Variants in WNK1 observed in about 807,000 individuals in gnomAD.
WNK1 encodes serine/threonine-protein kinase WNK1.
WNK1 carries 38 observed loss-of-function variants against 222.8 expected under a neutral mutation model. The ratio of observed to expected loss-of-function variants is 0.17; its 90% confidence interval spans 0.13 to 0.22. The LOEUF is 0.22. Among genes scored for constraint, WNK1 ranks in the 10% least tolerant of loss-of-function variants. The probability of loss-of-function intolerance (pLI) is 1.00; values close to 1 mark genes in which losing one functional copy is unlikely to be tolerated. For missense variants in WNK1, 2,348 were observed against 2,918.4 expected, an observed-to-expected ratio of 0.80 and a Z score of 4.50; for synonymous variants, 1,090 against 1,092.9, an observed-to-expected ratio of 1.00 and a Z score of 0.05.
At chr12:877,712 G>T (rs1952757804) in intron 9 of WNK1, among the ~76,000 whole-genome samples, 1 of 152,152 alleles carries the variant, frequency 6.6e-6, no homozygotes, top group Admixed American at 6.5e-5. Flanking sequence ...TCCAAATCCA[G>T]TGCTTTCCTC....
chr12:886,124 A>AG (rs746933570), intron 19 of WNK1, 40 bp downstream of exon 19: 8 of 1,379,056 alleles, frequency 5.8e-6, no homozygotes, highest in African/African-American at 2.8e-5. Flanking sequence ...AAATATGATC[A>AG]GTTTTTTTTC....
chr12:906,361 C>A, intron 26 of WNK1: 1 of 985,322 alleles, frequency 1.0e-6, no homozygotes, highest in Non-Finnish European at 1.2e-6. Context: ...TAGACTCCCT[C>A]CTCTCTCATC....
At position 880,835 on chromosome 12, in the gene WNK1, G is replaced by C. The variant is rs1185591309; in HGVS notation, c.2947G>C (p.Glu983Gln). The C allele has an allele frequency of 4.3e-6, 7 of 1,614,090 alleles. No homozygotes were observed. In the Admixed American group the frequency reaches 1.0e-4, roughly 23 times the overall value. The change falls in exon 12 of 28, where the codon GAA becomes CAA. Residue 983 changes from glutamate (E) to glutamine (Q), a missense_variant. Coordinates refer to ENST00000315939, the MANE Select transcript of WNK1 (RefSeq NM_018979.4). ...AGTCCTATCCCCTCCCATGCCGACA[G>C]AAGTACTGGCTACACCTGGGTACTT... The part of the protein sequence containing the change: ...STVLSPPMPT[E>Q]VLATPGYFPT...
chr12:836,994 A>G (rs1399233051), intron 4 of WNK1, among the ~76,000 whole-genome samples: 2 of 152,208 alleles, frequency 1.3e-5, no homozygotes, highest in East Asian at 1.9e-4. Context: ...TCTAAAGTGT[A>G]TAATTCACTG....
At chr12:829,789 T>G (rs1948654777) in intron 3 of WNK1, 2 of 583,440 alleles carry the variant, frequency 3.4e-6, no homozygotes, top group Admixed American at 3.0e-5. Flanking sequence ...TTATTCCAGT[T>G]TCATATAAAG....
chr12:864,389 G>T (rs1951464182), intron 8 of WNK1, among the ~76,000 whole-genome samples: 1 of 152,170 alleles, frequency 6.6e-6, no homozygotes, highest in African/African-American at 2.4e-5. Context: ...AGGATTACAG[G>T]TGTGAGCCAC....
intron 1 of WNK1, among the ~76,000 whole-genome samples, chr12:771,672 T>G (rs1473898397): frequency 1.3e-5 from 2 of 152,110 alleles, no homozygotes; most frequent in African/African-American, 2.4e-5. Flanking sequence ...TGACCTCAGG[T>G]GATCTGCCCG....
At chr12:902,133 T>TAA (rs56144609) in intron 26 of WNK1, among the ~76,000 whole-genome samples, 2 of 136,318 alleles carry the variant, frequency 1.5e-5, no homozygotes, top group Non-Finnish European at 3.2e-5. Flanking sequence ...ACCCCATCTC[T>TAA]AAAAAAAAAA....
At chr12:785,399 C>CA (rs1944178519) in intron 1 of WNK1, among the ~76,000 whole-genome samples, 1 of 30,916 alleles carries the variant, frequency 3.2e-5, no homozygotes, top group African/African-American at 1.5e-4. Flanking sequence ...ATCATTTTCT[C>CA]CCCCCCCCCC....
chr12:905,395 A>C (rs1004668467), intron 26 of WNK1, among the ~76,000 whole-genome samples: 1 of 152,030 alleles, frequency 6.6e-6, no homozygotes, highest in East Asian at 1.9e-4. Context: ...GTATTAGGTA[A>C]TGTAGGGTAA....
intron 24 of WNK1, 118 bp downstream of exon 24, chr12:896,850 G>T: frequency 8.5e-7 from 1 of 1,172,558 alleles, no homozygotes; most frequent in Non-Finnish European, 1.2e-6. Context: ...CTTTTAAAGA[G>T]ACAGTGCCAC....
chr12:884,578 G>A lies in WNK1; in HGVS notation c.3845-71G>A. 2 of 1,477,698 alleles carry A rather than the reference G, an allele frequency of 1.4e-6. No individual in the cohort carries two copies. Among genetic ancestry groups the A allele is most frequent in the East Asian group, 4.5e-5 (2 of 44,176 alleles). 91.5% of individuals were successfully genotyped at this position (1,477,698 alleles called of 1,614,324 possible). ...CAGATATTTATAGGAGCTGACTTAG[G>A]CTAGCAGACAATCTTTTGAATCCAT... On this transcript the variant is annotated intron_variant, in intron 18 of 27. Coordinates refer to ENST00000315939, the MANE Select transcript of WNK1 (RefSeq NM_018979.4). The surrounding 1 kb of genome is among the most constrained non-coding windows in gnomAD (Gnocchi z 5.6).
chr12:815,443 A>T lies in WNK1; in HGVS notation c.932+1629A>T, dbSNP rs72648614. Among the ~76,000 whole-genome samples, 562 of 152,338 alleles carry T rather than the reference A, an allele frequency of 3.7e-3. 2 individuals carry two copies. The highest frequency in any genetic ancestry group is 0.01 in the Middle Eastern group (3 of 294). ...CTTACGGTTAGCATGTTGAAACATG[A>T]ACAGATCATTTCTGTCCTGCAAATT... On this transcript the variant is annotated intron_variant, in intron 2 of 27. Transcript: ENST00000315939.
intron 4 of WNK1, 35 bp from the exon 5 acceptor site, chr12:857,126 G>A (rs759092333): frequency 1.2e-6 from 2 of 1,600,406 alleles, no homozygotes; most frequent in Non-Finnish European, 1.7e-6. Flanking sequence ...CAAAGGCCCT[G>A]CTTTTATTAA....
chr12:815,005 G>T (rs1435843740), intron 2 of WNK1, among the ~76,000 whole-genome samples: 1 of 152,138 alleles, frequency 6.6e-6, no homozygotes, highest in Non-Finnish European at 1.5e-5. Context: ...TCACAGTAGG[G>T]TTCATGGCCC....
chr12:895,960 C>G, intron 23 of WNK1, 111 bp from the exon 24 acceptor site: 8 of 1,418,424 alleles, frequency 5.6e-6, no homozygotes, highest in Non-Finnish European at 7.8e-6. Flanking sequence ...GACAATCAGC[C>G]TACTCTTTGA....
chr12:884,509 C>T lies in WNK1; in HGVS notation c.3845-140C>T. On this transcript the variant is annotated intron_variant, in intron 18 of 27. Transcript: ENST00000315939. This position sits in a 1 kb window ranked among gnomAD's most constrained non-coding sequence, Gnocchi z 5.6. ...TATGTGTTTATTTCTGCACTTAGTACTGTTGTCTATGTTTTAAGATTACTC... is the reference window on the plus strand; with the variant it reads ...TATGTGTTTATTTCTGCACTTAGTATTGTTGTCTATGTTTTAAGATTACTC... The T allele has an allele frequency of 1.0e-6, 1 of 967,770 alleles. No homozygotes were observed. Among genetic ancestry groups the T allele is most frequent in the Admixed American group, 2.1e-5 (1 of 47,280 alleles). 59.9% of individuals were successfully genotyped at this position (967,770 alleles called of 1,614,324 possible). A position where few individuals can be genotyped will look rare whatever the true frequency, so the allele number is the denominator to read the frequency against.
intron 25 of WNK1, 101 bp downstream of exon 25, chr12:897,782 CAA>C: frequency 7.6e-7 from 1 of 1,311,044 alleles, no homozygotes; most frequent in South Asian, 1.3e-5. Flanking sequence ...TGTTAAATTT[CAA>C]AGGAATTTGG....
chr12:883,652 A>T lies in WNK1; in HGVS notation c.3663+84A>T. The T allele has an allele frequency of 2.5e-6, 4 of 1,600,652 alleles. No homozygotes were observed. The South Asian group carries it at 4.4e-5, about 18-fold the overall frequency. ...AATTTGCTATGCAAAATGTCCAGTG[A>T]TATCACCTGACACCCATGACCGACA... is the stretch of plus-strand genomic sequence containing the variant. On this transcript the variant is annotated intron_variant, in intron 16 of 27. Transcript: ENST00000315939.
Sources: gnomAD v4.1 joint callset for allele counts (sites outside exome capture counted in the v4.1 genomes callset) on GRCh38, gnomAD v4.1.1 for gene constraint, Gnocchi (gnomAD v3.1) non-coding constraint, MANE v1.5 for transcripts, NCBI Gene and HGNC (gene_info 2026-07-23, HGNC 2026-07-21) for gene names.